The following SUCLG2 variants were observed in gnomAD, a reference collection of about 807,000 sequenced individuals.
SUCLG2 encodes the protein succinate-CoA ligase GDP-forming subunit beta, also known as succinate--CoA ligase [GDP-forming] subunit beta, mitochondrial.
A neutral mutation model predicts 47.9 loss-of-function variants in SUCLG2; 42 were observed. The ratio of observed to expected loss-of-function variants is 0.88; its 90% CI spans 0.69 to 1.14. The LOEUF (loss-of-function observed/expected upper bound fraction) is 1.14, where lower values mean the gene tolerates loss of function less well. Among genes scored for constraint, SUCLG2 ranks in the 50% most tolerant of loss-of-function variants. SUCLG2 has a pLI of 0.00. For missense variants in SUCLG2, 571 were observed against 525.9 expected (o/e 1.09, Z -0.84); for synonymous variants, 195 against 197.3 (o/e 0.99, Z 0.10).
At chr3:67,537,810 T>G (rs1482251694) in intron 2 of SUCLG2, among the ~76,000 whole-genome samples, 1 of 152,256 alleles carries the variant, frequency 6.6e-6, no homozygotes. Flanking sequence ...TTTGCATTTC[T>G]CTAAAGACCA....
rs1702000385 is a variant in SUCLG2, at chr3:67,374,756, T to C, written c.*988A>G. ...AAACATAATTTTATTTAAATTTGTATAGATAAAAATCTACCAAAATTTAAA... is the reference window on the plus strand; with the variant it reads ...AAACATAATTTTATTTAAATTTGTACAGATAAAAATCTACCAAAATTTAAA... On this transcript the variant is annotated 3_prime_UTR_variant, in exon 11 of 11. Transcript: ENST00000307227. 5 of 924,852 alleles carry C rather than the reference T, an allele frequency of 5.4e-6. No homozygotes were observed. In the South Asian group the frequency reaches 2.5e-4, roughly 46 times the overall value. 57.3% of individuals were successfully genotyped at this position (924,852 alleles called of 1,614,324 possible).
chr3:67,579,429 C>T lies in SUCLG2; in HGVS notation c.226+30026G>A, dbSNP rs564201832. Among the ~76,000 whole-genome samples the T allele has an allele frequency of 2.6e-5, 4 of 152,330 alleles. No homozygotes were observed. The South Asian group carries it at 8.3e-4, about 32-fold the overall frequency. On this transcript the variant is annotated intron_variant, in intron 2 of 10. Transcript: ENST00000307227. Reference sequence around the variant, plus strand: ...GACTAACACAGTAATCATAGGCTAACACCCTGCCCTTCAGAACTACAAGTT... The same window carrying T: ...GACTAACACAGTAATCATAGGCTAATACCCTGCCCTTCAGAACTACAAGTT...
chr3:67,448,442 A>G (rs536831454), intron 9 of SUCLG2, among the ~76,000 whole-genome samples: 80 of 152,044 alleles, frequency 5.3e-4, no homozygotes, highest in Non-Finnish European at 1.1e-3. Flanking sequence ...CTGGAGTGCA[A>G]TGGTGCAATC....
At chr3:67,388,827 G>T (rs941371010) in intron 10 of SUCLG2, among the ~76,000 whole-genome samples, 7 of 152,168 alleles carry the variant, frequency 4.6e-5, no homozygotes, top group Admixed American at 3.3e-4. Flanking sequence ...TAGCAAAGAA[G>T]TAGTATAAAA....
chr3:67,605,380 G>C lies in SUCLG2; in HGVS notation c.226+4075C>G, dbSNP rs549701404. ...ATGTGCACACAATTTTTATATTTAT[G>C]ATCAACTAATTTCACTTTTAACCAA... On this transcript the variant is annotated intron_variant, in intron 2 of 10. Transcript: ENST00000307227. Among the ~76,000 whole-genome samples, 4 of 152,168 alleles carry C rather than the reference G, an allele frequency of 2.6e-5. No homozygotes were observed. In the East Asian group the frequency reaches 5.8e-4, roughly 22 times the overall value.
At chr3:67,377,846 G>A (rs115868824) in intron 10 of SUCLG2, among the ~76,000 whole-genome samples, 10,658 of 152,152 alleles carry the variant, frequency 0.07, 442 homozygotes, top group South Asian at 0.1. Context: ...TAGAGATGGG[G>A]TTTTTCCACA....
chr3:67,562,121 T>C (rs895773805), intron 2 of SUCLG2, among the ~76,000 whole-genome samples: 3 of 152,162 alleles, frequency 2.0e-5, no homozygotes, highest in African/African-American at 7.2e-5. Context: ...AGACATCAAT[T>C]GACCATTCAT....
chr3:67,476,730 C>T (rs956202290), intron 9 of SUCLG2, among the ~76,000 whole-genome samples: 6 of 152,144 alleles, frequency 3.9e-5, no homozygotes, highest in Non-Finnish European at 8.8e-5. Flanking sequence ...GGATTTGTCT[C>T]ATAATATTCT....
intron 9 of SUCLG2, among the ~76,000 whole-genome samples, chr3:67,481,649 T>G (rs1307418005): frequency 6.6e-6 from 1 of 152,218 alleles, no homozygotes; most frequent in Non-Finnish European, 1.5e-5. Context: ...ACCTAGAGAC[T>G]GGTATGTGAC....
At chr3:67,490,422 G>T (rs1205261887) in intron 9 of SUCLG2, among the ~76,000 whole-genome samples, 1 of 152,064 alleles carries the variant, frequency 6.6e-6, no homozygotes, top group African/African-American at 2.4e-5. Flanking sequence ...AAAAAGAGCT[G>T]GCCTCTTCTC....
intron 9 of SUCLG2, among the ~76,000 whole-genome samples, chr3:67,435,987 G>T (rs149316318): frequency 6.6e-6 from 1 of 152,170 alleles, no homozygotes; most frequent in Non-Finnish European, 1.5e-5. Flanking sequence ...GCTATCCGAA[G>T]AGATGCATAC....
rs114829136 is a variant in SUCLG2 at position 67,597,445 on chromosome 3, T to C, written c.226+12010A>G. Among the ~76,000 whole-genome samples the C allele has an allele frequency of 2.6e-3, 393 of 152,266 alleles. 5 individuals carry two copies. Among genetic ancestry groups the C allele is most frequent in the African/African-American group, 8.2e-3 (340 of 41,544 alleles). On this transcript the variant is annotated intron_variant, in intron 2 of 10. Transcript: ENST00000307227. ...AACTCTTCCATTCAGTAATCACTTA[T>C]GGAATTCACACTACAGTCCAGGTAC...
At position 67,529,139 on chromosome 3, in the gene SUCLG2, C is replaced by G. The variant is rs750721258; in HGVS notation, c.274G>C (p.Gly92Arg). The G allele has an allele frequency of 6.2e-7, 1 of 1,613,574 alleles. No individual in the cohort carries two copies. The highest frequency in any genetic ancestry group is 8.5e-7 in the Non-Finnish European group (1 of 1,179,774). The change falls in exon 3 of 11, where the codon GGA (glycine) becomes CGA (arginine). Residue 92 changes from glycine to arginine, a missense_variant. Coordinates refer to ENST00000307227, the MANE Select transcript of SUCLG2 (RefSeq NM_003848.4). ...AAACCACTATTGAAGACACCTTTTCCTCTTCCTCCAGCTAAGATCTGGGCT... is the reference window on the plus strand; with the variant it reads ...AAACCACTATTGAAGACACCTTTTCGTCTTCCTCCAGCTAAGATCTGGGCT... ...LKAQILAGGR[G>R]KGVFNSGLKG...
intron 7 of SUCLG2, among the ~76,000 whole-genome samples, chr3:67,502,596 C>T (rs1276882605): frequency 2.0e-5 from 3 of 152,190 alleles, no homozygotes; most frequent in East Asian, 3.9e-4. Flanking sequence ...TGTTAGACGA[C>T]CACACCACCC....
rs560396111 is a variant in SUCLG2 at position 67,561,235 on chromosome 3, G to A, written c.227-32049C>T. Among the ~76,000 whole-genome samples, 8 of 151,760 alleles carry A rather than the reference G, an allele frequency of 5.3e-5. No homozygotes were observed. In the South Asian group the frequency reaches 1.7e-3, roughly 32 times the overall value. On this transcript the variant is annotated intron_variant, in intron 2 of 10. Transcript: ENST00000307227. ...GCACTGGTCAGAACTACTGTAGCAA[G>A]CACTGTGCCTATTATCTTTTTGTAG...
intron 2 of SUCLG2, among the ~76,000 whole-genome samples, chr3:67,573,860 G>A (rs1707680630): frequency 6.6e-6 from 1 of 152,050 alleles, no homozygotes; most frequent in African/African-American, 2.4e-5. Flanking sequence ...TGTGGCTGTG[G>A]GACAAAGAGC....
In SUCLG2 at chr3:67,521,801, G is replaced by T. The variant is rs182719667; in HGVS notation, c.418-1167C>A. Reference sequence around the variant, plus strand: ...TGCTTGGCTAATTTTTGTATTTTTAGTAGAGATGGGGATTCACCATGTTGG... The same window carrying T: ...TGCTTGGCTAATTTTTGTATTTTTATTAGAGATGGGGATTCACCATGTTGG... On this transcript the variant is annotated intron_variant, in intron 4 of 10. Transcript: ENST00000307227. Among the ~76,000 whole-genome samples, 9 of 151,922 alleles carry T rather than the reference G, an allele frequency of 5.9e-5. 1 individual carries two copies. Among genetic ancestry groups the T allele is most frequent in the African/African-American group, 2.2e-4 (9 of 41,316 alleles).
chr3:67,609,559 T>C lies in SUCLG2; in HGVS notation c.122A>G (p.Gln41Arg). The change falls in exon 2 of 11, where the codon CAG (glutamine) becomes CGG (arginine). Residue 41 changes from glutamine to arginine, a missense_variant. Coordinates refer to ENST00000307227, the MANE Select transcript of SUCLG2 (RefSeq NM_003848.4). ...QLTSRRWLNL[Q>R]EYQSKKLMSD... The stretch of plus-strand genomic sequence containing the variant: ...CATCAGTTTCTTGCTCTGGTATTCC[T>C]GCAGGTTCAGCCATCTTCTGGAGGT... 6.2e-7 allele frequency: 1 copy of C among 1,613,896 alleles called. No individual in the cohort carries two copies. Among genetic ancestry groups the C allele is most frequent in the Non-Finnish European group, 8.5e-7 (1 of 1,179,912 alleles).
intron 1 of SUCLG2, among the ~76,000 whole-genome samples, chr3:67,641,481 T>C (rs867862512): frequency 1.3e-5 from 2 of 152,198 alleles, no homozygotes; most frequent in South Asian, 2.1e-4. Flanking sequence ...AAAACCGCAA[T>C]TACTTTTGCA....
Sources: allele counts gnomAD v4.1 joint callset (sites outside exome capture counted in the v4.1 genomes callset), GRCh38; gene constraint gnomAD v4.1.1; transcripts MANE v1.5; gene names NCBI Gene and HGNC (gene_info 2026-07-23, HGNC 2026-07-21).